Variants in GLIS1 observed in about 807,000 individuals in gnomAD.
The protein encoded by GLIS1 is zinc finger protein GLIS1.
Under a neutral mutation model 63.8 loss-of-function variants are expected in GLIS1, and 24 were observed. The observed-to-expected ratio is 0.38, with a 90% confidence interval of 0.27 to 0.53. The LOEUF (loss-of-function observed/expected upper bound fraction) is 0.53. GLIS1 is among the 20% of genes least tolerant of loss of function. GLIS1 has a pLI of 0.85. For missense variants in GLIS1, 1,036 were observed against 1,074.1 expected (o/e 0.96, Z 0.50); for synonymous variants, 450 against 482.5 (o/e 0.93, Z 0.88).
At chr1:53,521,908 C>T (rs1444871184) in intron 6 of GLIS1, among the ~76,000 whole-genome samples, 1 of 152,250 alleles carries the variant, frequency 6.6e-6, no homozygotes, top group Non-Finnish European at 1.5e-5. Context: ...CAGCCAAATG[C>T]TCATCTTCCC....
chr1:53,521,729 AC>A (rs1196533876), intron 6 of GLIS1, among the ~76,000 whole-genome samples: 4 of 152,148 alleles, frequency 2.6e-5, no homozygotes, highest in Admixed American at 6.5e-5. Flanking sequence ...GCACCCAGTA[AC>A]CCAAGCAAAT....
In GLIS1 at chr1:53,509,771, CA is replaced by C. The variant is rs1644279337; in HGVS notation, c.2062+77del. 3.4e-6 allele frequency: 3 copies of C among 891,884 alleles called. No homozygotes were observed. The East Asian group carries it at 9.8e-5, about 29-fold the overall frequency. The allele number at this position is 891,884 out of a possible 1,614,324, so 55.2% of individuals were successfully genotyped here. ...TGAGTACCTGCCTCCCCCACTAGGTCACTGTCTCCTCGTTCCTCTGGGGTCC... is the reference window on the plus strand; with the variant it reads ...TGAGTACCTGCCTCCCCCACTAGGTCCTGTCTCCTCGTTCCTCTGGGGTCC... On this transcript the variant is annotated intron_variant, in intron 9 of 10. Coordinates refer to ENST00000628545, the MANE Select transcript of GLIS1 (RefSeq NM_001367484.1).
intron 4 of GLIS1, among the ~76,000 whole-genome samples, chr1:53,577,430 G>C (rs1039416764): frequency 6.6e-6 from 1 of 152,186 alleles, no homozygotes; most frequent in Non-Finnish European, 1.5e-5. Context: ...CTCTCTCTCA[G>C]ATCAAGCCAT....
intron 4 of GLIS1, among the ~76,000 whole-genome samples, chr1:53,573,494 A>T (rs1395312394): frequency 6.6e-6 from 1 of 152,192 alleles, no homozygotes; most frequent in East Asian, 1.9e-4. Context: ...CCACATTCCC[A>T]GACCTACGTT....
intron 2 of GLIS1, among the ~76,000 whole-genome samples, chr1:53,719,352 C>T (rs1213732761): frequency 6.6e-6 from 1 of 152,190 alleles, no homozygotes; most frequent in African/African-American, 2.4e-5. Context: ...TCCCTGCCCA[C>T]CTGGCATGGG....
Position 53,506,585 on chromosome 1 carries a change from A to G in GLIS1, c.*34T>C, listed in dbSNP as rs1376045314. ...AGCAGGTGGGCGAGGTGGCATCTGC[A>G]GTGCTGGATGGGCAGGCGCATGTGG... is the stretch of plus-strand genomic sequence containing the variant. On this transcript the variant is annotated 3_prime_UTR_variant, in exon 11 of 11. Coordinates refer to ENST00000628545, the MANE Select transcript of GLIS1 (RefSeq NM_001367484.1). The G allele has an allele frequency of 6.2e-7, 1 of 1,607,356 alleles. No homozygotes were observed. Among genetic ancestry groups the G allele is most frequent in the Non-Finnish European group, 8.5e-7 (1 of 1,175,780 alleles).
intron 2 of GLIS1, among the ~76,000 whole-genome samples, chr1:53,683,183 T>G (rs1054577186): frequency 6.6e-6 from 1 of 152,172 alleles, no homozygotes; most frequent in Non-Finnish European, 1.5e-5. Flanking sequence ...GACACATTCC[T>G]GGCTCCCCAA....
At chr1:53,563,006 T>C (rs970034704) in intron 4 of GLIS1, among the ~76,000 whole-genome samples, 1 of 152,158 alleles carries the variant, frequency 6.6e-6, no homozygotes, top group Non-Finnish European at 1.5e-5. Context: ...AATAATCAGA[T>C]TATGCATAAA....
At chr1:53,553,916 G>T (rs1244322868) in intron 4 of GLIS1, among the ~76,000 whole-genome samples, 13 of 152,196 alleles carry the variant, frequency 8.5e-5, no homozygotes, top group Admixed American at 8.5e-4. Context: ...CTCAGACAGT[G>T]TGCCTTGCTG....
At chr1:53,640,317 C>T (rs139657435) in intron 2 of GLIS1, among the ~76,000 whole-genome samples, 56 of 152,314 alleles carry the variant, frequency 3.7e-4, no homozygotes, top group Non-Finnish European at 7.3e-4. Flanking sequence ...GCTGCATCCA[C>T]AGCAAATTAG....
At chr1:53,529,109 G>A (rs1644501527) in intron 5 of GLIS1, among the ~76,000 whole-genome samples, 1 of 152,246 alleles carries the variant, frequency 6.6e-6, no homozygotes, top group African/African-American at 2.4e-5. Context: ...CCTGAGGGGT[G>A]AAGTTTTAGA....
chr1:53,510,989 C>T (rs539703982), intron 8 of GLIS1, among the ~76,000 whole-genome samples: 3 of 152,154 alleles, frequency 2.0e-5, no homozygotes, highest in Non-Finnish European at 4.4e-5. Context: ...CAGCCCAGCC[C>T]GAGGGCCCAC....
intron 4 of GLIS1, among the ~76,000 whole-genome samples, chr1:53,540,248 G>A (rs1467792673): frequency 6.6e-6 from 1 of 152,178 alleles, no homozygotes; most frequent in Non-Finnish European, 1.5e-5. Flanking sequence ...GTTCCCATTT[G>A]CTGGGGGATT....
At chr1:53,701,109 T>C (rs1646518481) in intron 2 of GLIS1, among the ~76,000 whole-genome samples, 1 of 152,232 alleles carries the variant, frequency 6.6e-6, no homozygotes, top group South Asian at 2.1e-4. Context: ...TGTGGGCCCA[T>C]GCTTTCAGTC....
rs908640500 is a variant in GLIS1, at chr1:53,560,287, C to G, written c.1321-30335G>C. 2.0e-5 allele frequency among the ~76,000 whole-genome samples: 3 copies of G among 152,178 alleles called. No homozygotes were observed. Among genetic ancestry groups the G allele is most frequent in the Non-Finnish European group, 4.4e-5 (3 of 68,018 alleles). On this transcript the variant is annotated intron_variant, in intron 4 of 10. Transcript: ENST00000628545. The surrounding 1 kb of genome is among the most constrained non-coding windows in gnomAD (Gnocchi z 4.4). ...AGCAGCTGTGTTGACTCATCTCTGT[C>G]CCAGCACTGAGGGAAGACAAGGAGC...
chr1:53,595,439 G>A (rs1267218273), intron 3 of GLIS1, among the ~76,000 whole-genome samples: 3 of 152,186 alleles, frequency 2.0e-5, no homozygotes, highest in Non-Finnish European at 4.4e-5. Context: ...AGGATTGCTT[G>A]AGCCCAGGAG....
intron 2 of GLIS1, among the ~76,000 whole-genome samples, chr1:53,735,120 C>T (rs1438051349): frequency 1.3e-5 from 2 of 152,196 alleles, no homozygotes; most frequent in African/African-American, 4.8e-5. Context: ...TGAAACCTGA[C>T]CCCAGGCTGA....
At chr1:53,692,209 G>C (rs892559582) in intron 2 of GLIS1, among the ~76,000 whole-genome samples, 4 of 152,100 alleles carry the variant, frequency 2.6e-5, no homozygotes, top group African/African-American at 9.7e-5. Flanking sequence ...GAACAATAAA[G>C]CCCCTTTGAA....
chr1:53,530,067 G>A (rs996881398), intron 4 of GLIS1, 115 bp from the exon 5 acceptor site: 22 of 956,040 alleles, frequency 2.3e-5, no homozygotes, highest in Non-Finnish European at 3.2e-5. Context: ...CCATCCTGCT[G>A]GAGCCTCTGA....
Sources: gnomAD v4.1 joint callset for allele counts (sites outside exome capture counted in the v4.1 genomes callset) on GRCh38, gnomAD v4.1.1 for gene constraint, Gnocchi (gnomAD v3.1) non-coding constraint, MANE v1.5 for transcripts, NCBI Gene and HGNC (gene_info 2026-07-23, HGNC 2026-07-21) for gene names.